HPSE2: variants seen among roughly 807,000 people sequenced by gnomAD.
HPSE2 encodes the protein inactive heparanase-2.
In HPSE2, 38 loss-of-function variants were observed where a neutral mutation model predicts 60.5. The ratio of observed to expected loss-of-function variants is 0.63; its 90% CI spans 0.48 to 0.82. The LOEUF is 0.82. Ranked by LOEUF, HPSE2 falls within the 40% of genes least tolerant of loss-of-function variation. HPSE2 has a pLI of 0.00. For missense variants in HPSE2, 713 were observed against 740.4 expected, an observed-to-expected ratio of 0.96 and a Z score of 0.43; for synonymous variants, 295 against 293.2, an observed-to-expected ratio of 1.01 and a Z score of -0.06.
intron 9 of HPSE2, among the ~76,000 whole-genome samples, chr10:98,582,247 C>G (rs1280114355): frequency 6.6e-6 from 1 of 152,102 alleles, no homozygotes; most frequent in Non-Finnish European, 1.5e-5. Context: ...TTCTGTTGGA[C>G]AAATGCAAGT....
chr10:99,305,979 G>GCGCACA, the HPSE2 span, among the ~76,000 whole-genome samples: 360 of 80,570 alleles, frequency 4.5e-3, 2 homozygotes, highest in Non-Finnish European at 7.2e-3. Context: ...GCGCGCGCGC[G>GCGCACA]CACACACACA....
At chr10:98,498,009 T>G (rs992556809) in intron 9 of HPSE2, among the ~76,000 whole-genome samples, 19 of 152,208 alleles carry the variant, frequency 1.2e-4, no homozygotes, top group Non-Finnish European at 2.1e-4. Flanking sequence ...GAGAGCACTT[T>G]TGATCCGAAA....
chr10:98,833,680 G>A (rs534833334), intron 3 of HPSE2, among the ~76,000 whole-genome samples: 27 of 152,212 alleles, frequency 1.8e-4, no homozygotes, highest in African/African-American at 4.6e-4. Flanking sequence ...TGCTATGTTC[G>A]TCACATCACC....
chr10:98,980,099 A>G lies in HPSE2; in HGVS notation c.610+164139T>C, dbSNP rs568129544. The stretch of plus-strand genomic sequence containing the variant: ...AACCTAGTGTTCTACAACGCAGGAC[A>G]TATAAAGTCAGAGAGATCTTGGCTA... On this transcript the variant is annotated intron_variant, in intron 3 of 11. Coordinates refer to ENST00000370552, the MANE Select transcript of HPSE2 (RefSeq NM_021828.5). Among the ~76,000 whole-genome samples the G allele has an allele frequency of 3.9e-5, 6 of 152,316 alleles. No homozygotes were observed. In the East Asian group the frequency reaches 9.6e-4, roughly 24 times the overall value.
chr10:98,731,818 A>G (rs1949235834), intron 4 of HPSE2, among the ~76,000 whole-genome samples: 2 of 152,186 alleles, frequency 1.3e-5, no homozygotes, highest in African/African-American at 4.8e-5. Context: ...TCCAAATTGG[A>G]AAGAAAGAAG....
chr10:99,216,233 T>C (rs954621361), intron 2 of HPSE2, among the ~76,000 whole-genome samples: 57 of 149,436 alleles, frequency 3.8e-4, no homozygotes, highest in African/African-American at 1.4e-3. Flanking sequence ...TTTCACTGGT[T>C]GCCCAGGCTG....
intron 10 of HPSE2, 48 bp downstream of exon 10, chr10:98,490,003 G>T: frequency 6.2e-7 from 1 of 1,610,450 alleles, no homozygotes; most frequent in Non-Finnish European, 8.5e-7. Flanking sequence ...AATGGTATGG[G>T]GTGGGAGCCC....
At chr10:98,875,995 C>A (rs1952867048) in intron 3 of HPSE2, among the ~76,000 whole-genome samples, 1 of 151,784 alleles carries the variant, frequency 6.6e-6, no homozygotes, top group Non-Finnish European at 1.5e-5. Flanking sequence ...TGACTGATTT[C>A]TTGGGTAGGT....
rs139944337 is a variant in HPSE2 at position 99,127,180 on chromosome 10, T to C, written c.610+17058A>G. ...ATTGCCTGATAAGCAATTCAGGGGA[T>C]TGATTATTAAGCTACTCAAGGAGAT... On this transcript the variant is annotated intron_variant, in intron 3 of 11. Transcript: ENST00000370552. Among the ~76,000 whole-genome samples, 1,029 of 152,188 alleles carry C rather than the reference T, an allele frequency of 6.8e-3. 14 individuals carry two copies. The highest frequency in any genetic ancestry group is 0.024 in the African/African-American group (982 of 41,504).
chr10:98,891,304 A>C (rs11189856), intron 3 of HPSE2, among the ~76,000 whole-genome samples: 21,884 of 152,154 alleles, frequency 0.14, 2,254 homozygotes, highest in African/African-American at 0.28. Flanking sequence ...CTGATTAAAT[A>C]ATTCAAACCA....
chr10:98,735,679 G>A (rs904841920), intron 4 of HPSE2, among the ~76,000 whole-genome samples: 1 of 152,152 alleles, frequency 6.6e-6, no homozygotes, highest in Admixed American at 6.5e-5. Context: ...GTGAGATATG[G>A]AGTCAAAGGA....
chr10:99,191,304 G>A (rs765442022), intron 2 of HPSE2, among the ~76,000 whole-genome samples: 15 of 152,016 alleles, frequency 9.9e-5, no homozygotes, highest in Non-Finnish European at 1.5e-4. Context: ...AACTGTCACC[G>A]AGACCCAATG....
chr10:99,295,558 A>G, the HPSE2 span, among the ~76,000 whole-genome samples: 7 of 152,102 alleles, frequency 4.6e-5, no homozygotes, highest in African/African-American at 1.4e-4. Flanking sequence ...TCTTCCCTAT[A>G]TTTTCTAAAA....
At chr10:98,937,976 C>A (rs1489869845) in intron 3 of HPSE2, among the ~76,000 whole-genome samples, 1 of 135,030 alleles carries the variant, frequency 7.4e-6, no homozygotes, top group Non-Finnish European at 1.6e-5. Context: ...CCCAGGCAAA[C>A]AGGGTCTGGA....
intron 3 of HPSE2, among the ~76,000 whole-genome samples, chr10:99,040,863 G>A (rs983328145): frequency 6.6e-6 from 1 of 152,034 alleles, no homozygotes; most frequent in Non-Finnish European, 1.5e-5. Flanking sequence ...GAGGCGAGCG[G>A]ATCACAAGAT....
intron 3 of HPSE2, among the ~76,000 whole-genome samples, chr10:99,111,231 T>C (rs1236631155): frequency 6.6e-6 from 1 of 152,216 alleles, no homozygotes. Context: ...ATAGTAAGTA[T>C]TGAGTTGGGA....
chr10:99,160,571 C>T (rs1295736092), intron 2 of HPSE2, among the ~76,000 whole-genome samples: 2 of 152,168 alleles, frequency 1.3e-5, no homozygotes, highest in Non-Finnish European at 2.9e-5. Context: ...TCCTGAGAGC[C>T]TACCTGACAG....
chr10:98,634,534 TTTG>T lies in HPSE2; in HGVS notation c.1098+7310_1098+7312del, dbSNP rs1322446013. On this transcript the variant is annotated intron_variant, in intron 7 of 11. Coordinates refer to ENST00000370552, the MANE Select transcript of HPSE2 (RefSeq NM_021828.5). The stretch of plus-strand genomic sequence containing the variant: ...AAGAAGTGGGTTTTTGTTTGTTTGT[TTTG>T]CTCTTTTCTTCTTATTTACTAAGAG... Among the ~76,000 whole-genome samples, 70 of 145,988 alleles carry T rather than the reference TTTG, an allele frequency of 4.8e-4. 1 individual carries two copies. Among genetic ancestry groups the T allele is most frequent in the African/African-American group, 1.9e-3 (70 of 37,464 alleles).
chr10:99,237,201 G>C (rs1849880729), upstream of HPSE2, among the ~76,000 whole-genome samples: 1 of 152,164 alleles, frequency 6.6e-6, no homozygotes, highest in South Asian at 2.1e-4. Context: ...TTCTTTCTGA[G>C]ACAAAATGGG....
Sources: allele counts gnomAD v4.1 joint callset (sites outside exome capture counted in the v4.1 genomes callset), GRCh38; gene constraint gnomAD v4.1.1; transcripts MANE v1.5; gene names NCBI Gene and HGNC (gene_info 2026-07-23, HGNC 2026-07-21).